SNTG2: variants seen among roughly 807,000 people sequenced by gnomAD.
SNTG2 encodes the protein syntrophin gamma 2, also known as gamma-2-syntrophin.
SNTG2 carries 74 observed loss-of-function variants against 70.9 expected under a neutral mutation model. The ratio of observed to expected loss-of-function variants is 1.04; its 90% confidence interval spans 0.86 to 1.27. The LOEUF is 1.27. Ranked by LOEUF, SNTG2 falls within the 50% of genes most tolerant of loss-of-function variation. The pLI is 0.00. For synonymous variants in SNTG2, 278 were observed against 273.8 expected (o/e 1.02, Z -0.15); for missense variants, 717 against 690.7 (o/e 1.04, Z -0.43).
At chr2:1,036,002 C>CTG (rs1398915807) in intron 1 of SNTG2, among the ~76,000 whole-genome samples, 2 of 152,114 alleles carry the variant, frequency 1.3e-5, no homozygotes, top group African/African-American at 4.8e-5. Flanking sequence ...TGGGATTTTT[C>CTG]TGTAACCTTG....
intron 14 of SNTG2, among the ~76,000 whole-genome samples, chr2:1,304,662 G>A (rs1447844683): frequency 6.6e-6 from 1 of 151,514 alleles, no homozygotes; most frequent in African/African-American, 2.4e-5. Flanking sequence ...GGAGGTGGAG[G>A]TTGCAGTGAG....
intron 1 of SNTG2, among the ~76,000 whole-genome samples, chr2:1,059,806 A>G (rs1249981839): frequency 6.6e-6 from 1 of 152,242 alleles, no homozygotes; most frequent in Non-Finnish European, 1.5e-5. Flanking sequence ...AAACTGAGAC[A>G]TATCTGAAAA....
At chr2:1,134,912 G>A (rs114824319) in intron 4 of SNTG2, among the ~76,000 whole-genome samples, 1,758 of 152,292 alleles carry the variant, frequency 0.012, 39 homozygotes, top group African/African-American at 0.04. Flanking sequence ...GCGCAACACC[G>A]GTGGGCCAGA....
intron 1 of SNTG2, among the ~76,000 whole-genome samples, chr2:1,018,758 TA>T (rs1659994663): frequency 6.6e-6 from 1 of 152,140 alleles, no homozygotes; most frequent in African/African-American, 2.4e-5. Context: ...AATAATAAAA[TA>T]AAAAGATTGC....
chr2:1,122,693 A>G (rs188433888), intron 4 of SNTG2, among the ~76,000 whole-genome samples: 1 of 150,386 alleles, frequency 6.6e-6, no homozygotes, highest in East Asian at 2.0e-4. Flanking sequence ...TCAACATGAC[A>G]CTGGAAGTAC....
intron 12 of SNTG2, among the ~76,000 whole-genome samples, chr2:1,253,072 A>G (rs540095878): frequency 4.6e-5 from 7 of 152,194 alleles, no homozygotes; most frequent in South Asian, 4.1e-4. Context: ...AGGTTTTTGG[A>G]TCAGAGACAG....
intron 1 of SNTG2, among the ~76,000 whole-genome samples, chr2:1,069,304 CTTCTTATATAAATGAAAAAAA>C (rs1572354578): frequency 1.3e-5 from 2 of 150,212 alleles, no homozygotes; most frequent in Admixed American, 6.7e-5. Context: ...ATAGTCCAGG[CTTCTTATATAAATGAAAAAAA>C]TTCTTATATA....
At chr2:1,005,663 G>T (rs955500050) in intron 1 of SNTG2, among the ~76,000 whole-genome samples, 2 of 150,976 alleles carry the variant, frequency 1.3e-5, no homozygotes, top group African/African-American at 4.9e-5. Flanking sequence ...AATTAGCCAG[G>T]CGTGGTGACA....
intron 9 of SNTG2, among the ~76,000 whole-genome samples, chr2:1,223,490 G>T (rs964792174): frequency 1.3e-5 from 2 of 152,186 alleles, no homozygotes; most frequent in Non-Finnish European, 2.9e-5. Context: ...GTGCATCCTG[G>T]GATCCCTGTG....
intron 1 of SNTG2, among the ~76,000 whole-genome samples, chr2:1,031,326 C>G (rs149805680): frequency 6.6e-6 from 1 of 151,518 alleles, no homozygotes; most frequent in African/African-American, 2.4e-5. Flanking sequence ...GTTCATGCTC[C>G]CATTTCCTCC....
At chr2:1,229,919 G>A (rs918993619) in intron 9 of SNTG2, among the ~76,000 whole-genome samples, 21 of 152,188 alleles carry the variant, frequency 1.4e-4, no homozygotes, top group Admixed American at 7.2e-4. Context: ...ACGCCCACCC[G>A]GAACTCCAGC....
In SNTG2 at chr2:1,308,409, A is replaced by C. The variant is rs1680810720; in HGVS notation, c.1285-85A>C. 4 of 1,254,926 alleles carry C rather than the reference A, an allele frequency of 3.2e-6. No homozygotes were observed. The Admixed American group carries it at 8.5e-5, about 27-fold the overall frequency. The allele number at this position is 1,254,926 out of a possible 1,614,324, so 77.7% of individuals were successfully genotyped here. ...GAGAGCATTTTATAATTTTTGACCAAAGGGGGGTTAATATGGAGACTACCT... is the reference window on the plus strand; with the variant it reads ...GAGAGCATTTTATAATTTTTGACCACAGGGGGGTTAATATGGAGACTACCT... On this transcript the variant is annotated intron_variant, in intron 14 of 16. Coordinates refer to ENST00000308624, the MANE Select transcript of SNTG2 (RefSeq NM_018968.4).
chr2:1,335,369 G>A (rs1287563376), intron 16 of SNTG2, among the ~76,000 whole-genome samples: 2 of 152,198 alleles, frequency 1.3e-5, no homozygotes, highest in African/African-American at 4.8e-5. Context: ...TGAGCCGTCA[G>A]CAGCCAACCA....
chr2:1,201,352 C>T (rs762001816), intron 8 of SNTG2, among the ~76,000 whole-genome samples: 2 of 151,604 alleles, frequency 1.3e-5, no homozygotes, highest in Non-Finnish European at 3.0e-5. Flanking sequence ...AAGTTGATTT[C>T]ATGAAGTAGA....
intron 1 of SNTG2, among the ~76,000 whole-genome samples, chr2:1,037,629 G>A (rs879552141): frequency 6.6e-6 from 1 of 152,046 alleles, no homozygotes; most frequent in African/African-American, 2.4e-5. Context: ...AGAATCATAG[G>A]ACGTCTGGTG....
At chr2:1,172,010 A>G (rs1671159421) in intron 7 of SNTG2, among the ~76,000 whole-genome samples, 1 of 152,184 alleles carries the variant, frequency 6.6e-6, no homozygotes, top group African/African-American at 2.4e-5. Flanking sequence ...ACGGCACAAC[A>G]GGGCATCCCA....
chr2:1,129,072 G>A (rs1202084160), intron 4 of SNTG2, among the ~76,000 whole-genome samples: 1 of 152,090 alleles, frequency 6.6e-6, no homozygotes, highest in African/African-American at 2.4e-5. Context: ...TCGAATAAAC[G>A]ACATATACAT....
At chr2:1,034,213 T>A (rs1434150883) in intron 1 of SNTG2, among the ~76,000 whole-genome samples, 1 of 152,186 alleles carries the variant, frequency 6.6e-6, no homozygotes, top group African/African-American at 2.4e-5. Context: ...TAAGTGGCCT[T>A]CTGTTCTTGG....
chr2:1,269,169 G>T (rs1334372365), intron 14 of SNTG2, among the ~76,000 whole-genome samples: 2 of 152,156 alleles, frequency 1.3e-5, no homozygotes, highest in African/African-American at 2.4e-5. Flanking sequence ...ATTTCTTTAT[G>T]AATAGTCCTT....
Sources: allele counts gnomAD v4.1 joint callset (sites outside exome capture counted in the v4.1 genomes callset), GRCh38; gene constraint gnomAD v4.1.1; transcripts MANE v1.5; gene names NCBI Gene and HGNC (gene_info 2026-07-23, HGNC 2026-07-21).